The following TTC7A variants were observed in gnomAD, a reference collection of about 807,000 sequenced individuals.
The protein encoded by TTC7A is tetratricopeptide repeat protein 7A.
A neutral mutation model predicts 103.7 loss-of-function variants in TTC7A; 110 were observed. That is an observed-to-expected ratio of 1.06 (90% CI 0.91 to 1.24). TTC7A has a LOEUF of 1.24. TTC7A is among the 50% of genes most tolerant of loss of function. TTC7A has a pLI of 0.00. For missense variants in TTC7A, 1,340 were observed against 1,116.3 expected (o/e 1.20, Z -2.86); for synonymous variants, 521 against 467.9 (o/e 1.11, Z -1.47).
chr2:47,047,477 T>G, intron 16 of TTC7A: 1 of 605,790 alleles, frequency 1.7e-6, no homozygotes, highest in South Asian at 2.1e-5. Flanking sequence ...AATGAGAATT[T>G]GAAGCCACCT....
intron 2 of TTC7A, among the ~76,000 whole-genome samples, chr2:46,917,500 C>T (rs1668872760): frequency 6.6e-6 from 1 of 152,178 alleles, no homozygotes; most frequent in Non-Finnish European, 1.5e-5. Context: ...ATGTACTAGG[C>T]GCTCTACTAG....
rs796179582 is a variant in TTC7A at position 47,025,453 on chromosome 2, G to A, written c.1641+1094G>A. 3.3e-5 allele frequency among the ~76,000 whole-genome samples: 5 copies of A among 152,246 alleles called. 1 individual carries two copies. Among genetic ancestry groups the A allele is most frequent in the African/African-American group, 7.2e-5 (3 of 41,552 alleles). ...CGGGGCTTGGTCTTATGGTCACTTC[G>A]GCGGGCTGCATTTCTCCTGCCTCTG... is the stretch of plus-strand genomic sequence containing the variant. On this transcript the variant is annotated intron_variant, in intron 14 of 19. Transcript: ENST00000319190.
chr2:46,958,413 C>T (rs1361714133), intron 3 of TTC7A: 2 of 1,125,390 alleles, frequency 1.8e-6, no homozygotes, highest in Non-Finnish European at 2.4e-6. Flanking sequence ...AACCCCCTTC[C>T]TCGGGCTTCC....
In TTC7A at chr2:47,062,937, G is replaced by T. The variant is rs143444670; in HGVS notation, c.2355+1966G>T. Among the ~76,000 whole-genome samples, 438 of 152,374 alleles carry T rather than the reference G, an allele frequency of 2.9e-3. 1 individual carries two copies. Among genetic ancestry groups the T allele is most frequent in the African/African-American group, 0.01 (417 of 41,586 alleles). ...AAAGTTACAAGCAACCAGAGGGGCA[G>T]TCGGCTTCTGCGTGGGCAGCCCATC... is the stretch of plus-strand genomic sequence containing the variant. On this transcript the variant is annotated intron_variant, in intron 19 of 19. Transcript: ENST00000319190.
chr2:46,969,327 C>T (rs1255649665), intron 3 of TTC7A, among the ~76,000 whole-genome samples: 2 of 151,960 alleles, frequency 1.3e-5, no homozygotes, highest in South Asian at 2.1e-4. Context: ...CATGGCGAAA[C>T]CCCATCTCTA....
intron 15 of TTC7A, among the ~76,000 whole-genome samples, chr2:47,041,084 A>C (rs539063008): frequency 1.1e-4 from 16 of 151,376 alleles, no homozygotes; most frequent in African/African-American, 2.9e-4. Context: ...GAGGCCCTCC[A>C]CCCCCACCCC....
At position 47,021,834 on chromosome 2, in the gene TTC7A, C is replaced by T. The variant is rs1383896698; in HGVS notation, c.1393-28C>T. ...GGTAGAGGAAACTCCAACCCCACCT[C>T]CATGACCTCTGTCTCTCCTCTTTGC... On this transcript the variant is annotated intron_variant, in intron 11 of 19. Coordinates refer to ENST00000319190, the MANE Select transcript of TTC7A (RefSeq NM_020458.4). 5.0e-6 allele frequency: 8 copies of T among 1,595,148 alleles called. No homozygotes were observed. In the South Asian group the frequency reaches 6.6e-5, roughly 13 times the overall value.
intron 11 of TTC7A, 112 bp from the exon 12 acceptor site, chr2:47,021,750 C>A: frequency 1.2e-6 from 1 of 816,794 alleles, no homozygotes; most frequent in Non-Finnish European, 2.1e-6. Context: ...GAGAGTAAGG[C>A]CCTGTGACCT....
chr2:47,006,741 G>A lies in TTC7A; in HGVS notation c.1287+17G>A, dbSNP rs772047983. 1.1e-5 allele frequency: 17 copies of A among 1,593,312 alleles called. No homozygotes were observed. Among genetic ancestry groups the A allele is most frequent in the East Asian group, 4.5e-5 (2 of 44,804 alleles). On this transcript the variant is annotated intron_variant, in intron 10 of 19. Coordinates refer to ENST00000319190, the MANE Select transcript of TTC7A (RefSeq NM_020458.4). ...TGTGGGAAGGTAAGGCCCAGGGGGC[G>A]CTAGGGGTTGCACACTCACCCGCAG...
intron 5 of TTC7A, among the ~76,000 whole-genome samples, chr2:46,979,301 T>C (rs1423578935): frequency 6.6e-6 from 1 of 152,204 alleles, no homozygotes; most frequent in Non-Finnish European, 1.5e-5. Flanking sequence ...ATTTGGTTCC[T>C]CTGAGCCTCA....
intron 19 of TTC7A, among the ~76,000 whole-genome samples, chr2:47,073,156 G>GT (rs1684915341): frequency 6.6e-6 from 1 of 152,146 alleles, no homozygotes; most frequent in African/African-American, 2.4e-5. Context: ...GGTGGCAGTG[G>GT]TGAAGGCCTG....
At chr2:46,935,810 T>A (rs1669948232) in intron 2 of TTC7A, among the ~76,000 whole-genome samples, 1 of 152,238 alleles carries the variant, frequency 6.6e-6, no homozygotes, top group South Asian at 2.1e-4. Flanking sequence ...AATTTTTCTT[T>A]TAGGTGTGAT....
At chr2:46,992,777 G>A (rs112159744) in intron 5 of TTC7A, among the ~76,000 whole-genome samples, 1,816 of 152,362 alleles carry the variant, frequency 0.012, 44 homozygotes, top group African/African-American at 0.041. Flanking sequence ...TGGGGGTAGA[G>A]GTAGAAGGAA....
chr2:47,068,310 C>G (rs561795152), intron 19 of TTC7A: 45 of 152,310 alleles, frequency 3.0e-4, no homozygotes, highest in Admixed American at 2.9e-3. Flanking sequence ...CCAGTGGCCT[C>G]TGCTGCTTAT....
chr2:47,069,669 G>A (rs910932546), intron 19 of TTC7A, among the ~76,000 whole-genome samples: 3 of 152,176 alleles, frequency 2.0e-5, no homozygotes, highest in East Asian at 1.9e-4. Flanking sequence ...CCTCCCTCCC[G>A]TTCCAGGTCT....
At chr2:46,983,453 G>A (rs991627804) in intron 5 of TTC7A, among the ~76,000 whole-genome samples, 2 of 152,234 alleles carry the variant, frequency 1.3e-5, no homozygotes, top group Non-Finnish European at 2.9e-5. Context: ...CACGGCTGCT[G>A]CTTGGAGCGC....
chr2:46,942,349 G>A (rs1408889894), intron 1 of TTC7A, among the ~76,000 whole-genome samples: 1 of 152,152 alleles, frequency 6.6e-6, no homozygotes, highest in African/African-American at 2.4e-5. Flanking sequence ...TGTGGCAGCG[G>A]GGAACACCCC....
chr2:46,950,353 T>G lies in TTC7A; in HGVS notation c.185-10T>G, dbSNP rs1671295881. The G allele has an allele frequency of 6.2e-6, 10 of 1,613,892 alleles. No individual in the cohort carries two copies. Among genetic ancestry groups the G allele is most frequent in the Non-Finnish European group, 7.6e-6 (9 of 1,179,978 alleles). ...GGGTTTGCTGCTCTGACCCCTACTT[T>G]GCTTTTCAGATGACTTTGGGAAATT... On this transcript the variant is annotated splice_polypyrimidine_tract_variant and intron_variant, in intron 1 of 19. Transcript: ENST00000319190.
chr2:46,974,206 C>A (rs1228943917), intron 3 of TTC7A, among the ~76,000 whole-genome samples: 1 of 152,346 alleles, frequency 6.6e-6, no homozygotes, highest in South Asian at 2.1e-4. Context: ...AAGGTACAGG[C>A]TCCTGCCTTT....
Sources: gnomAD v4.1 joint callset for allele counts (sites outside exome capture counted in the v4.1 genomes callset) on GRCh38, gnomAD v4.1.1 for gene constraint, MANE v1.5 for transcripts, NCBI Gene and HGNC (gene_info 2026-07-23, HGNC 2026-07-21) for gene names.